Variants in AGBL4 observed in about 807,000 individuals in gnomAD.
The protein encoded by AGBL4 is cytosolic carboxypeptidase 6.
Under a neutral mutation model 66.4 loss-of-function variants are expected in AGBL4, and 58 were observed. The ratio of observed to expected loss-of-function variants is 0.87; its 90% CI spans 0.71 to 1.09. The LOEUF (loss-of-function observed/expected upper bound fraction) is 1.09, where lower values mean the gene tolerates loss of function less well. AGBL4 is among the 50% of genes least tolerant of loss of function. The pLI is 0.00. For synonymous variants in AGBL4, 234 were observed against 222.9 expected, an observed-to-expected ratio of 1.05 and a Z score of -0.44; for missense variants, 579 against 631.0, an observed-to-expected ratio of 0.92 and a Z score of 0.88.
At chr1:49,443,701 C>CTTGTTCTTTCATTTTGGAGATCCTTTGTT (rs1356646139) in intron 3 of AGBL4, among the ~76,000 whole-genome samples, 2 of 151,376 alleles carry the variant, frequency 1.3e-5, no homozygotes, top group Non-Finnish European at 3.0e-5. Flanking sequence ...GTAATGTGAG[C>CTTGTTCTTTCATTTTGGAGATCCTTTGTT]CTCCAGCCTT....
chr1:48,525,219 A>T, the AGBL4 span, among the ~76,000 whole-genome samples: 1 of 152,180 alleles, frequency 6.6e-6, no homozygotes, highest in South Asian at 2.1e-4. Context: ...TTGGTAAGAG[A>T]GCTGATACAC....
chr1:49,793,521 A>T (rs1335948867), intron 2 of AGBL4, among the ~76,000 whole-genome samples: 1 of 152,018 alleles, frequency 6.6e-6, no homozygotes, highest in African/African-American at 2.4e-5. Context: ...AGTGAATACC[A>T]CAGGTGAGTT....
chr1:48,880,916 C>T (rs12401557), intron 5 of AGBL4, among the ~76,000 whole-genome samples: 3 of 151,992 alleles, frequency 2.0e-5, no homozygotes, highest in Non-Finnish European at 4.4e-5. Context: ...ACATAGTCAT[C>T]GTGAATGTTA....
At chr1:48,998,681 G>A (rs1478062461) in intron 5 of AGBL4, among the ~76,000 whole-genome samples, 1 of 152,204 alleles carries the variant, frequency 6.6e-6, no homozygotes, top group African/African-American at 2.4e-5. Context: ...AGGTGGAACA[G>A]GGTACTGAAA....
At chr1:49,832,343 T>G (rs12724246) in intron 2 of AGBL4, among the ~76,000 whole-genome samples, 34,032 of 147,662 alleles carry the variant, frequency 0.23, 4,927 homozygotes, top group Middle Eastern at 0.36. Flanking sequence ...TTTTTATGGC[T>G]GCATAGTATT....
chr1:49,073,651 T>A (rs370867109), intron 4 of AGBL4, among the ~76,000 whole-genome samples: 3 of 152,316 alleles, frequency 2.0e-5, no homozygotes, highest in African/African-American at 7.2e-5. Flanking sequence ...ACCTGCCAGA[T>A]GTCAGCCAGA....
Position 48,634,584 on chromosome 1 carries a change from T to C in AGBL4, c.860A>G (p.Asp287Gly). 1 of 1,601,710 alleles carries C rather than the reference T, an allele frequency of 6.2e-7. No homozygotes were observed. Among genetic ancestry groups the C allele is most frequent in the Non-Finnish European group, 8.5e-7 (1 of 1,173,848 alleles). The change falls in exon 9 of 14, where the codon GAT becomes GGT. Residue 287 changes from aspartate to glycine, a missense_variant. Coordinates refer to ENST00000371839, the MANE Select transcript of AGBL4 (RefSeq NM_032785.4). ...GGGATCCAGCCAGTGACGATTCAGA[T>C]CAAATCCCATCAGAGAACACCTAGG... Reference protein sequence around the residue: ...GNYRCSLMGFDLNRHWLDPSP... With the variant: ...GNYRCSLMGFGLNRHWLDPSP...
intron 3 of AGBL4, among the ~76,000 whole-genome samples, chr1:49,451,606 G>C (rs1021109228): frequency 2.6e-5 from 4 of 151,850 alleles, no homozygotes; most frequent in Non-Finnish European, 5.9e-5. Flanking sequence ...AGTCCTTTTT[G>C]ACCACCCCAC....
intron 1 of AGBL4, among the ~76,000 whole-genome samples, chr1:49,979,903 T>C (rs984516658): frequency 1.3e-5 from 2 of 152,192 alleles, no homozygotes; most frequent in Admixed American, 6.5e-5. Context: ...TCTACAGCTG[T>C]GGTTATCCAT....
chr1:49,785,585 C>A lies in AGBL4; in HGVS notation c.157+65811G>T, dbSNP rs1312833179. Among the ~76,000 whole-genome samples, 3 of 151,846 alleles carry A rather than the reference C, an allele frequency of 2.0e-5. No homozygotes were observed. The East Asian group carries it at 5.8e-4, about 29-fold the overall frequency. ...GTATTAATATCCTATTTCAGGGTGG[C>A]AATGATAACAATGATGTTCTGAAAA... On this transcript the variant is annotated intron_variant, in intron 2 of 13. Transcript: ENST00000371839.
intron 3 of AGBL4, among the ~76,000 whole-genome samples, chr1:49,267,898 G>T (rs1367177419): frequency 1.3e-5 from 2 of 152,024 alleles, no homozygotes; most frequent in Non-Finnish European, 2.9e-5. Flanking sequence ...CACAAGAACA[G>T]CATGGGGGAA....
intron 5 of AGBL4, among the ~76,000 whole-genome samples, chr1:48,895,876 T>G (rs1651458366): frequency 6.6e-6 from 1 of 152,222 alleles, no homozygotes; most frequent in African/African-American, 2.4e-5. Flanking sequence ...GCTTTCTGTC[T>G]GCAAGCCATT....
chr1:48,538,974 C>T (rs1644017432), intron 12 of AGBL4, among the ~76,000 whole-genome samples: 1 of 152,148 alleles, frequency 6.6e-6, no homozygotes, highest in Admixed American at 6.5e-5. Context: ...TCACTGTTCT[C>T]ATGCTAGCTG....
rs1658898251 is a variant in AGBL4 at position 48,971,474 on chromosome 1, AG to A, written c.594+74109del. Among the ~76,000 whole-genome samples the A allele has an allele frequency of 2.0e-5, 3 of 152,142 alleles. No individual in the cohort carries two copies. The South Asian group carries it at 6.2e-4, about 31-fold the overall frequency. On this transcript the variant is annotated intron_variant, in intron 5 of 13. Transcript: ENST00000371839. Reference sequence around the variant, plus strand: ...ACATACACATGATGAAATAGTATTGAGGGGAAAAAAAACAGAAAAACTGTTG... The same window carrying A: ...ACATACACATGATGAAATAGTATTGAGGGAAAAAAAACAGAAAAACTGTTG...
intron 3 of AGBL4, among the ~76,000 whole-genome samples, chr1:49,287,455 A>G (rs1644440369): frequency 1.3e-5 from 2 of 150,174 alleles, no homozygotes; most frequent in African/African-American, 4.9e-5. Context: ...AATTTTCGCA[A>G]CCTACTCATC....
chr1:48,544,818 C>T (rs1644133343), intron 11 of AGBL4, among the ~76,000 whole-genome samples: 1 of 152,182 alleles, frequency 6.6e-6, no homozygotes, highest in Admixed American at 6.5e-5. Context: ...CAGCCATTGT[C>T]TGACTGCAAC....
intron 3 of AGBL4, among the ~76,000 whole-genome samples, chr1:49,509,956 T>G (rs182805274): frequency 9.2e-5 from 14 of 152,156 alleles, no homozygotes; most frequent in African/African-American, 3.4e-4. Flanking sequence ...CTCTTGTATC[T>G]CAATCTGACA....
chr1:49,193,170 T>A (rs924379723), intron 4 of AGBL4, among the ~76,000 whole-genome samples: 2 of 152,160 alleles, frequency 1.3e-5, no homozygotes, highest in Non-Finnish European at 2.9e-5. Flanking sequence ...TTTCATTTCA[T>A]AATGCTCTGT....
rs76102225 is a variant in AGBL4 at position 48,681,377 on chromosome 1, A to T, written c.635-18136T>A. 3.6e-4 allele frequency among the ~76,000 whole-genome samples: 55 copies of T among 152,270 alleles called. 1 individual carries two copies. The East Asian group carries it at 0.01, about 28-fold the overall frequency. ...TGTCTTCCACATCAGGCCCCCAAAG[A>T]TGCCTTAAATTTCTCTTTCTGCTTT... is the stretch of plus-strand genomic sequence containing the variant. On this transcript the variant is annotated intron_variant, in intron 6 of 13. Coordinates refer to ENST00000371839, the MANE Select transcript of AGBL4 (RefSeq NM_032785.4).
Sources: gnomAD v4.1 joint callset for allele counts (sites outside exome capture counted in the v4.1 genomes callset) on GRCh38, gnomAD v4.1.1 for gene constraint, MANE v1.5 for transcripts, NCBI Gene and HGNC (gene_info 2026-07-23, HGNC 2026-07-21) for gene names.